Variants in TGIF1 observed in about 807,000 individuals in gnomAD.
TGIF1 encodes the protein TGFB induced factor homeobox 1, also known as homeobox protein TGIF1.
Under a neutral mutation model 19.3 loss-of-function variants are expected in TGIF1, and 4 were observed. That is an observed-to-expected ratio of 0.21 (90% CI 0.10 to 0.47). The LOEUF (loss-of-function observed/expected upper bound fraction) is 0.47, where lower values mean the gene tolerates loss of function less well. Ranked by LOEUF, TGIF1 falls within the 20% of genes least tolerant of loss-of-function variation. The pLI, the probability that TGIF1 is intolerant of heterozygous loss-of-function variation, is 0.98. For synonymous variants in TGIF1, 122 were observed against 129.3 expected, an observed-to-expected ratio of 0.94 and a Z score of 0.38; for missense variants, 275 against 341.4, an observed-to-expected ratio of 0.81 and a Z score of 1.53.
chr18:3,438,596 AACAC>A lies in TGIF1; in HGVS notation c.-44-17729_-44-17726del, dbSNP rs56864804. 2.7e-3 allele frequency among the ~76,000 whole-genome samples: 367 copies of A among 136,088 alleles called. 5 individuals are homozygous for A. The South Asian group carries it at 0.028, about 10-fold the overall frequency. The allele number at this position is 136,088 out of a possible 152,430, so 89.3% of individuals were successfully genotyped here. A position where few individuals can be genotyped will look rare whatever the true frequency, so the allele number is the denominator to read the frequency against. ...CCATTCCCATCATTTCATACACACA[AACAC>A]ACACACACACACACACACACACACA... On this transcript the variant is annotated intron_variant, in intron 2 of 3. Transcript: ENST00000401449.
intron 2 of TGIF1, among the ~76,000 whole-genome samples, chr18:3,423,199 A>T (rs910960286): frequency 8.5e-5 from 13 of 152,122 alleles, no homozygotes; most frequent in Non-Finnish European, 5.9e-5. Flanking sequence ...CACATTTCTC[A>T]GAATGTCTCC....
chr18:3,448,029 C>A (rs1343353175), upstream of TGIF1: 2 of 972,580 alleles, frequency 2.1e-6, no homozygotes, highest in East Asian at 1.2e-4. Flanking sequence ...AGGAGAACCA[C>A]GGGGAAGAGG....
At chr18:3,454,361 T>TTG (rs1448678066) in intron 1 of TGIF1, among the ~76,000 whole-genome samples, 1 of 152,112 alleles carries the variant, frequency 6.6e-6, no homozygotes, top group African/African-American at 2.4e-5. Flanking sequence ...AATGAGCAAA[T>TTG]TTTCACACTT....
At position 3,456,604 on chromosome 18, in the gene TGIF1, T is replaced by C. The variant is rs2049364046; in HGVS notation, c.243+24T>C. 1.9e-6 allele frequency: 3 copies of C among 1,605,686 alleles called. No homozygotes were observed. Among genetic ancestry groups the C allele is most frequent in the Non-Finnish European group, 2.6e-6 (3 of 1,172,660 alleles). On this transcript the variant is annotated intron_variant, in intron 2 of 2. Coordinates refer to ENST00000343820, the MANE Select transcript of TGIF1 (RefSeq NM_003244.4). This position sits in a 1 kb window ranked among gnomAD's most constrained non-coding sequence, Gnocchi z 4.2. ...AGGTAAAGAAAGAGAGCGTGAGGTT[T>C]ATGGATGCATTTTTAGTTTCAAAGT...
chr18:3,447,516 T>A, upstream of TGIF1: 1 of 624,128 alleles, frequency 1.6e-6, no homozygotes. Flanking sequence ...AGCCCACTTT[T>A]TTGAGGCTGT....
intron 2 of TGIF1, among the ~76,000 whole-genome samples, chr18:3,430,909 G>T (rs2082538800): frequency 6.6e-6 from 1 of 152,066 alleles, no homozygotes; most frequent in African/African-American, 2.4e-5. Context: ...AAGAAGTCCT[G>T]AGCCTAAAAC....
chr18:3,451,858 GGGCGTCCGA>G lies in TGIF1; in HGVS notation c.16+1355_16+1363del, dbSNP rs2082949815. On this transcript the variant is annotated intron_variant, in intron 1 of 2. Transcript: ENST00000343820. This position sits in a 1 kb window ranked among gnomAD's most constrained non-coding sequence, Gnocchi z 5.4. The stretch of plus-strand genomic sequence containing the variant: ...TTGGCCCTGGGAGAAAACGCGCGGG[GGGCGTCCGA>G]GACGCCCCGTGAAAGCCGTGCCGAC... 7.1e-7 allele frequency: 1 copy of G among 1,406,994 alleles called. No individual in the cohort carries two copies. Among genetic ancestry groups the G allele is most frequent in the Non-Finnish European group, 9.3e-7 (1 of 1,080,372 alleles). 87.2% of individuals were successfully genotyped at this position (1,406,994 alleles called of 1,614,324 possible). A position where few individuals can be genotyped will look rare whatever the true frequency, so the allele number is the denominator to read the frequency against.
chr18:3,433,105 A>C (rs2082571177), intron 2 of TGIF1, among the ~76,000 whole-genome samples: 1 of 143,260 alleles, frequency 7.0e-6, no homozygotes, highest in African/African-American at 2.6e-5. Context: ...TCTGATTCTC[A>C]CTCTGTCACC....
At chr18:3,443,098 A>G (rs1179059766) in intron 2 of TGIF1, among the ~76,000 whole-genome samples, 1 of 152,206 alleles carries the variant, frequency 6.6e-6, no homozygotes, top group Non-Finnish European at 1.5e-5. Flanking sequence ...CTGCATACAA[A>G]CTAACATTCT....
rs1420587546 is a variant in TGIF1 at position 3,458,396 on chromosome 18, G to A, written c.*456G>A. On this transcript the variant is annotated 3_prime_UTR_variant, in exon 3 of 3. Coordinates refer to ENST00000343820, the MANE Select transcript of TGIF1 (RefSeq NM_003244.4). ...GCCTTTTTTTTCATGACATAATAAA[G>A]TATTTTCTTTAAAAATTGTTGTAAT... 2 of 166,250 alleles carry A rather than the reference G, an allele frequency of 1.2e-5. No homozygotes were observed. Among genetic ancestry groups the A allele is most frequent in the African/African-American group, 4.8e-5 (2 of 41,290 alleles). 10.3% of individuals were successfully genotyped at this position (166,250 alleles called of 1,614,324 possible). A position where few individuals can be genotyped will look rare whatever the true frequency, so the allele number is the denominator to read the frequency against.
chr18:3,432,590 C>T (rs2082562807), intron 2 of TGIF1, among the ~76,000 whole-genome samples: 1 of 152,102 alleles, frequency 6.6e-6, no homozygotes, highest in Non-Finnish European at 1.5e-5. Flanking sequence ...AACATATCTG[C>T]AGTTTACTCT....
rs1056856125 is a variant in TGIF1, at chr18:3,436,771, A to G, written c.-45+18556A>G. On this transcript the variant is annotated intron_variant, in intron 2 of 3. Coordinates refer to the TGIF1 transcript ENST00000401449. Reference sequence around the variant, plus strand: ...GAAGTGGAGGTTCCAGTGAGCCAAGATGGTGCCACTGCACTCCAGCCTGGG... The same window carrying G: ...GAAGTGGAGGTTCCAGTGAGCCAAGGTGGTGCCACTGCACTCCAGCCTGGG... 2.6e-5 allele frequency among the ~76,000 whole-genome samples: 4 copies of G among 151,904 alleles called. No individual in the cohort carries two copies. In the East Asian group the frequency reaches 5.8e-4, roughly 22 times the overall value.
rs541806125 is a variant in TGIF1 at position 3,436,640 on chromosome 18, G to A, written c.-45+18425G>A. 5.3e-5 allele frequency among the ~76,000 whole-genome samples: 8 copies of A among 152,080 alleles called. No homozygotes were observed. In the East Asian group the frequency reaches 1.4e-3, roughly 26 times the overall value. On this transcript the variant is annotated intron_variant, in intron 2 of 3. Transcript: ENST00000401449. ...TCGAGACCAGCCTGGCCAACGTGGT[G>A]AAAGCCCGTCTCTACTAAAAATACA...
rs1021640897 is a variant in TGIF1 at position 3,425,453 on chromosome 18, G to C, written c.-45+7238G>C. ...TTAAATAATTACCAGCCATTATTCC[G>C]AAAGTCATAAGATTTGCAACTTCCC... On this transcript the variant is annotated intron_variant, in intron 2 of 3. Transcript: ENST00000401449. 4.6e-5 allele frequency among the ~76,000 whole-genome samples: 7 copies of C among 152,294 alleles called. No individual in the cohort carries two copies. The East Asian group carries it at 1.3e-3, about 29-fold the overall frequency.
At chr18:3,438,142 A>AT (rs895113728) in intron 2 of TGIF1, among the ~76,000 whole-genome samples, 1 of 151,922 alleles carries the variant, frequency 6.6e-6, no homozygotes, top group East Asian at 1.9e-4. Flanking sequence ...TTGTTGTTGT[A>AT]TTTTTTTTCC....
chr18:3,423,747 C>T (rs191126037), intron 2 of TGIF1, among the ~76,000 whole-genome samples: 8 of 151,912 alleles, frequency 5.3e-5, no homozygotes, highest in East Asian at 1.9e-4. Flanking sequence ...CCCAGCTACT[C>T]GGGAGACTAA....
chr18:3,444,549 C>T (rs2082716812), intron 2 of TGIF1, among the ~76,000 whole-genome samples: 1 of 152,088 alleles, frequency 6.6e-6, no homozygotes, highest in African/African-American at 2.4e-5. Context: ...CACTTTCATG[C>T]ATTATTCATT....
upstream of TGIF1, among the ~76,000 whole-genome samples, chr18:3,448,786 A>G (rs1272021394): frequency 2.1e-5 from 3 of 144,260 alleles, no homozygotes; most frequent in African/African-American, 5.4e-5. Flanking sequence ...GACGCTCCGA[A>G]GTCGAGTTAG....
At chr18:3,439,627 G>A (rs1425939174) in intron 2 of TGIF1, among the ~76,000 whole-genome samples, 1 of 152,110 alleles carries the variant, frequency 6.6e-6, no homozygotes, top group Non-Finnish European at 1.5e-5. Flanking sequence ...ACAGGCATGA[G>A]CCATCGTGCC....
Sources: allele counts gnomAD v4.1 joint callset (sites outside exome capture counted in the v4.1 genomes callset), GRCh38; gene constraint gnomAD v4.1.1; non-coding constraint Gnocchi (gnomAD v3.1); transcripts MANE v1.5; gene names NCBI Gene and HGNC (gene_info 2026-07-23, HGNC 2026-07-21).